Variants in DPYD observed in about 807,000 individuals in gnomAD.
DPYD encodes the protein dihydropyrimidine dehydrogenase [NADP(+)].
DPYD carries 109 observed loss-of-function variants against 116.2 expected under a neutral mutation model. The observed-to-expected ratio is 0.94, with a 90% CI of 0.80 to 1.10. The LOEUF is 1.10. DPYD is among the 50% of genes least tolerant of loss of function. DPYD has a pLI of 0.00. For missense variants in DPYD, 1,302 were observed against 1,254.5 expected (o/e 1.04, Z -0.57); for synonymous variants, 440 against 432.0 (o/e 1.02, Z -0.23).
chr1:97,692,006 C>A (rs1033517261), intron 6 of DPYD, among the ~76,000 whole-genome samples: 1 of 152,040 alleles, frequency 6.6e-6, no homozygotes, highest in South Asian at 2.1e-4. Context: ...ACAGTAGAAA[C>A]TGATATAAAA....
intron 14 of DPYD, among the ~76,000 whole-genome samples, chr1:97,421,450 AAACAAC>A (rs57035979): frequency 6.6e-6 from 1 of 151,574 alleles, no homozygotes; most frequent in African/African-American, 2.4e-5. Context: ...AAACAAAACA[AAACAAC>A]AACAACAACA....
At chr1:97,816,293 A>T (rs1668601211) in intron 3 of DPYD, among the ~76,000 whole-genome samples, 1 of 152,058 alleles carries the variant, frequency 6.6e-6, no homozygotes, top group Admixed American at 6.6e-5. Context: ...AGAGAAAAAA[A>T]AAAGAAAATA....
chr1:97,422,895 C>G (rs1674663299), intron 14 of DPYD, among the ~76,000 whole-genome samples: 1 of 152,006 alleles, frequency 6.6e-6, no homozygotes, highest in Admixed American at 6.6e-5. Context: ...ATACAGTTCA[C>G]CCTTTCAGGC....
chr1:97,326,247 A>G (rs975730908), intron 16 of DPYD, among the ~76,000 whole-genome samples: 3 of 151,952 alleles, frequency 2.0e-5, no homozygotes, highest in African/African-American at 7.2e-5. Flanking sequence ...CAAGTTAGGA[A>G]ACACAAGAGA....
At chr1:97,198,588 C>T (rs1376488407) in intron 19 of DPYD, among the ~76,000 whole-genome samples, 1 of 152,120 alleles carries the variant, frequency 6.6e-6, no homozygotes. Context: ...AAAGGTAAAT[C>T]GTTCTTGTTA....
chr1:97,216,888 T>G (rs1250212621), intron 19 of DPYD, among the ~76,000 whole-genome samples: 1 of 152,076 alleles, frequency 6.6e-6, no homozygotes, highest in African/African-American at 2.4e-5. Flanking sequence ...TTTGACAATG[T>G]TAAATTTTCT....
Position 97,658,898 on chromosome 1 carries a change from T to C in DPYD, c.850+20197A>G, listed in dbSNP as rs1571143986. On this transcript the variant is annotated intron_variant, in intron 8 of 22. Transcript: ENST00000370192. ...CAGAAACACTAGAGGTTTATAATGC[T>C]AGTTCACTGAACACCTGGCTCTCTG... Among the ~76,000 whole-genome samples, 11 of 152,304 alleles carry C rather than the reference T, an allele frequency of 7.2e-5. 1 individual carries two copies. In the South Asian group the frequency reaches 2.3e-3, roughly 32 times the overall value.
chr1:97,280,962 A>T (rs1665285145), intron 18 of DPYD, among the ~76,000 whole-genome samples: 1 of 152,180 alleles, frequency 6.6e-6, no homozygotes, highest in Admixed American at 6.5e-5. Flanking sequence ...ATCATTATAC[A>T]ATGTATTCGT....
chr1:97,398,550 A>T (rs1475601382), intron 14 of DPYD, among the ~76,000 whole-genome samples: 2 of 152,172 alleles, frequency 1.3e-5, no homozygotes, highest in Non-Finnish European at 2.9e-5. Context: ...GAACTAGTTT[A>T]CAGTCCCACC....
intron 12 of DPYD, among the ~76,000 whole-genome samples, chr1:97,530,439 G>A (rs569560934): frequency 6.6e-6 from 1 of 151,640 alleles, no homozygotes; most frequent in Non-Finnish European, 1.5e-5. Context: ...GGATGGTCTC[G>A]ATCTCCTGAC....
chr1:97,234,024 A>T (rs1469645794), intron 19 of DPYD, among the ~76,000 whole-genome samples: 1 of 152,150 alleles, frequency 6.6e-6, no homozygotes, highest in Non-Finnish European at 1.5e-5. Flanking sequence ...TTTGCCAGAG[A>T]ATATGTGATG....
chr1:97,201,128 A>C (rs1390633026), intron 19 of DPYD, among the ~76,000 whole-genome samples: 1 of 152,194 alleles, frequency 6.6e-6, no homozygotes, highest in Admixed American at 6.6e-5. Context: ...ACAAGCATAT[A>C]TGTATAATTT....
At position 97,868,383 on chromosome 1, in the gene DPYD, G is replaced by T. The variant is rs546356113; in HGVS notation, c.150+14881C>A. ...AGAACTATCACAAAAGACTTCAAAT[G>T]ATATCTGTAATTTATTACTAAAAGA... On this transcript the variant is annotated intron_variant, in intron 2 of 22. Coordinates refer to ENST00000370192, the MANE Select transcript of DPYD (RefSeq NM_000110.4). 1.2e-3 allele frequency among the ~76,000 whole-genome samples: 180 copies of T among 151,750 alleles called. 7 individuals are homozygous for T. The South Asian group carries it at 0.036, about 30-fold the overall frequency.
At chr1:97,598,871 G>A (rs1655062107) in intron 8 of DPYD, among the ~76,000 whole-genome samples, 1 of 152,196 alleles carries the variant, frequency 6.6e-6, no homozygotes, top group Non-Finnish European at 1.5e-5. Context: ...CATGTAAGAA[G>A]CAGCGCCAAT....
At chr1:97,692,110 AT>A (rs1226035895) in intron 6 of DPYD, among the ~76,000 whole-genome samples, 1 of 152,150 alleles carries the variant, frequency 6.6e-6, no homozygotes, top group African/African-American at 2.4e-5. Flanking sequence ...TGGTTGATTT[AT>A]TTAATAATAA....
At chr1:97,385,861 T>C (rs1672314644) in intron 14 of DPYD, among the ~76,000 whole-genome samples, 2 of 152,156 alleles carry the variant, frequency 1.3e-5, no homozygotes, top group Non-Finnish European at 2.9e-5. Flanking sequence ...ACATGGCAAT[T>C]TTAATTTTAA....
chr1:97,548,091 G>A (rs769720111), intron 12 of DPYD, among the ~76,000 whole-genome samples: 3 of 152,116 alleles, frequency 2.0e-5, no homozygotes, highest in Non-Finnish European at 2.9e-5. Flanking sequence ...AATTTTGTTA[G>A]CATGTGGGAA....
At chr1:97,468,878 C>A (rs1677475379) in intron 13 of DPYD, among the ~76,000 whole-genome samples, 1 of 152,126 alleles carries the variant, frequency 6.6e-6, no homozygotes, top group South Asian at 2.1e-4. Flanking sequence ...GGGCATAAGT[C>A]TTGAATTTAT....
At chr1:97,797,061 A>C (rs1328765838) in intron 3 of DPYD, 2 of 152,164 alleles carry the variant, frequency 1.3e-5, no homozygotes, top group Non-Finnish European at 2.9e-5. Flanking sequence ...AACTAGTTCA[A>C]ATGAATAACA....
Sources: allele counts gnomAD v4.1 joint callset (sites outside exome capture counted in the v4.1 genomes callset), GRCh38; gene constraint gnomAD v4.1.1; transcripts MANE v1.5; gene names NCBI Gene and HGNC (gene_info 2026-07-23, HGNC 2026-07-21).